TRAPPC9: variants seen among roughly 807,000 people sequenced by gnomAD.
TRAPPC9 encodes trafficking protein particle complex subunit 9.
TRAPPC9 carries 83 observed loss-of-function variants against 124.0 expected under a neutral mutation model. The ratio of observed to expected loss-of-function variants is 0.67; its 90% CI spans 0.56 to 0.80. The LOEUF (loss-of-function observed/expected upper bound fraction) is 0.80, where lower values mean the gene tolerates loss of function less well. TRAPPC9 is among the 30% of genes least tolerant of loss of function. The pLI, the probability that TRAPPC9 is intolerant of heterozygous loss-of-function variation, is 0.00. For synonymous variants in TRAPPC9, 638 were observed against 617.5 expected (o/e 1.03, Z -0.49); for missense variants, 1,302 against 1,508.3 (o/e 0.86, Z 2.27).
chr8:140,379,361 G>A (rs1045326906), intron 7 of TRAPPC9, among the ~76,000 whole-genome samples: 4 of 152,156 alleles, frequency 2.6e-5, no homozygotes, highest in African/African-American at 7.2e-5. Flanking sequence ...ATGTGCGACC[G>A]TGGGTGTAGC....
intron 21 of TRAPPC9, among the ~76,000 whole-genome samples, chr8:139,872,447 G>T (rs570036017): frequency 9.6e-5 from 14 of 145,538 alleles, no homozygotes; most frequent in Non-Finnish European, 1.7e-4. Context: ...TGGGTTGGTG[G>T]GTAGACGGTT....
chr8:140,104,430 TACTC>T lies in TRAPPC9; in HGVS notation c.2557-80355_2557-80352del, dbSNP rs1207755783. Among the ~76,000 whole-genome samples, 1 of 152,152 alleles carries T rather than the reference TACTC, an allele frequency of 6.6e-6. No individual in the cohort carries two copies. The stretch of plus-strand genomic sequence containing the variant: ...GACTGAGACCCTGCGATCTCTGAGA[TACTC>T]ACAGGCCCGTGCGATAGTTGGATAT... On this transcript the variant is annotated intron_variant, in intron 17 of 22. Coordinates refer to ENST00000438773, the MANE Select transcript of TRAPPC9 (RefSeq NM_001160372.4). The surrounding 1 kb of genome is among the most constrained non-coding windows in gnomAD (Gnocchi z 4.0).
At chr8:140,281,748 G>A (rs1172669859) in intron 14 of TRAPPC9, among the ~76,000 whole-genome samples, 1 of 152,066 alleles carries the variant, frequency 6.6e-6, no homozygotes, top group Non-Finnish European at 1.5e-5. Flanking sequence ...TCAGGTCTAC[G>A]ATCCCTTTTG....
chr8:139,808,938 C>T (rs1109796), intron 21 of TRAPPC9, among the ~76,000 whole-genome samples: 7,767 of 152,202 alleles, frequency 0.051, 369 homozygotes, highest in East Asian at 0.12. Flanking sequence ...CAAACAGGCA[C>T]GTACAAGTTT....
At chr8:140,109,549 T>G (rs533131966) in intron 17 of TRAPPC9, among the ~76,000 whole-genome samples, 1 of 152,194 alleles carries the variant, frequency 6.6e-6, no homozygotes, top group East Asian at 1.9e-4. Context: ...TTGAAAAAAA[T>G]ACTATACAAT....
intron 21 of TRAPPC9, among the ~76,000 whole-genome samples, chr8:139,761,712 G>A (rs756110297): frequency 6.6e-6 from 1 of 151,942 alleles, no homozygotes; most frequent in Non-Finnish European, 1.5e-5. Flanking sequence ...CCCCCCTCAG[G>A]GACGGCCCAC....
chr8:140,240,757 C>T (rs1432233748), intron 16 of TRAPPC9, among the ~76,000 whole-genome samples: 1 of 152,152 alleles, frequency 6.6e-6, no homozygotes, highest in Non-Finnish European at 1.5e-5. Context: ...ACTGACTGGC[C>T]TCCAACTCCC....
intron 21 of TRAPPC9, among the ~76,000 whole-genome samples, chr8:139,820,044 G>A (rs987579768): frequency 2.2e-4 from 32 of 146,044 alleles, no homozygotes; most frequent in African/African-American, 2.8e-4. Context: ...GAAAACTACC[G>A]TCCAAAACCA....
At chr8:139,973,919 G>A (rs897005358) in intron 19 of TRAPPC9, among the ~76,000 whole-genome samples, 1 of 152,090 alleles carries the variant, frequency 6.6e-6, no homozygotes, top group Admixed American at 6.5e-5. Context: ...ACACCCTGTG[G>A]GCCACCTGGG....
intron 21 of TRAPPC9, among the ~76,000 whole-genome samples, chr8:139,869,424 C>T (rs1254503544): frequency 1.3e-5 from 2 of 152,216 alleles, no homozygotes; most frequent in Non-Finnish European, 2.9e-5. Flanking sequence ...TCAGCATTCA[C>T]ACTGCAGGTA....
At chr8:139,847,771 G>A (rs1235446777) in intron 21 of TRAPPC9, among the ~76,000 whole-genome samples, 4 of 149,460 alleles carry the variant, frequency 2.7e-5, no homozygotes, top group East Asian at 2.0e-4. Context: ...CTGCCTCTCC[G>A]GCGGCCCAGC....
chr8:139,935,239 G>A (rs1331650947), intron 19 of TRAPPC9, among the ~76,000 whole-genome samples: 8 of 152,130 alleles, frequency 5.3e-5, no homozygotes, highest in Admixed American at 5.2e-4. Context: ...TGTAGTGGCT[G>A]CCAGGGAAGG....
At chr8:140,319,231 A>G (rs2066525336) in intron 9 of TRAPPC9, among the ~76,000 whole-genome samples, 1 of 137,174 alleles carries the variant, frequency 7.3e-6, no homozygotes, top group Non-Finnish European at 1.5e-5. Context: ...GCTGGAGTGC[A>G]GTGGCGCGAT....
intron 7 of TRAPPC9, among the ~76,000 whole-genome samples, chr8:140,380,696 CT>C (rs1378200092): frequency 1.3e-5 from 2 of 150,060 alleles, no homozygotes; most frequent in Non-Finnish European, 3.0e-5. Context: ...ATTGGACCCC[CT>C]AACTCACATG....
chr8:140,424,158 T>TTTGTTTG (rs1564014828), intron 5 of TRAPPC9, among the ~76,000 whole-genome samples: 2 of 144,768 alleles, frequency 1.4e-5, no homozygotes, highest in African/African-American at 5.8e-5. Flanking sequence ...TTGTTTGTTT[T>TTTGTTTG]TTTAAAAAAA....
At chr8:139,920,671 G>A (rs959030981) in intron 19 of TRAPPC9, among the ~76,000 whole-genome samples, 1 of 152,224 alleles carries the variant, frequency 6.6e-6, no homozygotes, top group African/African-American at 2.4e-5. Flanking sequence ...CAGAGAACCA[G>A]AGTGTTTCCT....
chr8:140,013,643 C>A (rs2131861330), intron 18 of TRAPPC9, among the ~76,000 whole-genome samples: 1 of 152,312 alleles, frequency 6.6e-6, no homozygotes, highest in East Asian at 1.9e-4. Context: ...GTGCTGGAGC[C>A]AGCTGCTGCA....
intron 2 of TRAPPC9, among the ~76,000 whole-genome samples, chr8:140,448,768 G>A (rs1166647010): frequency 6.6e-6 from 1 of 152,094 alleles, no homozygotes; most frequent in Non-Finnish European, 1.5e-5. Context: ...AGCAGTGTGC[G>A]CTATTCACGA....
intron 17 of TRAPPC9, among the ~76,000 whole-genome samples, chr8:140,219,373 C>G (rs76920047): frequency 2.0e-5 from 3 of 152,292 alleles, no homozygotes; most frequent in African/African-American, 7.2e-5. Flanking sequence ...CGTTACAAAA[C>G]GTTACGTTTT....
Sources: gnomAD v4.1 joint callset for allele counts (sites outside exome capture counted in the v4.1 genomes callset) on GRCh38, gnomAD v4.1.1 for gene constraint, Gnocchi (gnomAD v3.1) non-coding constraint, MANE v1.5 for transcripts, NCBI Gene and HGNC (gene_info 2026-07-23, HGNC 2026-07-21) for gene names.